DHX29: variants seen among roughly 807,000 people sequenced by gnomAD.
DHX29 encodes the protein ATP-dependent RNA helicase DHX29.
DHX29 carries 79 observed loss-of-function variants against 167.9 expected under a neutral mutation model. The observed-to-expected ratio is 0.47, with a 90% CI of 0.39 to 0.57. The LOEUF (loss-of-function observed/expected upper bound fraction) is 0.57, where lower values mean the gene tolerates loss of function less well. Ranked by LOEUF, DHX29 falls within the 20% of genes least tolerant of loss-of-function variation. The probability of loss-of-function intolerance (pLI) is 0.00; values close to 1 mark genes in which losing one functional copy is unlikely to be tolerated. For missense variants in DHX29, 1,347 were observed against 1,593.4 expected (o/e 0.85, Z 2.63); for synonymous variants, 530 against 546.0 (o/e 0.97, Z 0.41).
intron 9 of DHX29, 70 bp from the exon 10 acceptor site, chr5:55,285,486 A>G (rs1032183445): frequency 6.9e-7 from 1 of 1,446,338 alleles, no homozygotes; most frequent in African/African-American, 1.4e-5. Context: ...TCAGAATTCC[A>G]TTAACATTAA....
intron 24 of DHX29, 33 bp from the exon 25 acceptor site, chr5:55,261,532 A>G: frequency 7.3e-7 from 1 of 1,370,126 alleles, no homozygotes; most frequent in Non-Finnish European, 1.0e-6. Context: ...AATAACTTCA[A>G]AATATAAAAA....
At chr5:55,283,119 T>C (rs1002095969) in intron 11 of DHX29, 84 bp downstream of exon 11, 5 of 1,449,388 alleles carry the variant, frequency 3.4e-6, no homozygotes, top group East Asian at 4.6e-5. Context: ...AACTCACATA[T>C]GGTACACATT....
At chr5:55,272,455 G>T (rs1460748980) in intron 17 of DHX29, among the ~76,000 whole-genome samples, 1 of 152,164 alleles carries the variant, frequency 6.6e-6, no homozygotes, top group Non-Finnish European at 1.5e-5. Flanking sequence ...AAGTAGGGCT[G>T]GGTGCGGTGG....
In DHX29 at chr5:55,283,300, C is replaced by A; in HGVS notation, c.1868G>T (p.Cys623Phe). Residue 623 changes from cysteine to phenylalanine, a missense_variant, in exon 11 of 27, where the codon TGT (cysteine) becomes TTT (phenylalanine). Physicochemically the swap from Cys to Phe is radical, Grantham distance 205 (BLOSUM62 -2). Coordinates refer to ENST00000251636, the MANE Select transcript of DHX29 (RefSeq NM_019030.4). ...LLLNEWEASK[C>F]NIVCTQPRRI... is the part of the protein sequence containing the mutation. ...TCGGGGTTGGGTACAGACAATGTTACATTTACTTGCTTCCCACTCATTTAG... is the reference window on the plus strand; with the variant it reads ...TCGGGGTTGGGTACAGACAATGTTAAATTTACTTGCTTCCCACTCATTTAG... 4 of 1,614,170 alleles carry A rather than the reference C, an allele frequency of 2.5e-6. No individual in the cohort carries two copies. Among genetic ancestry groups the A allele is most frequent in the Non-Finnish European group, 3.4e-6 (4 of 1,179,998 alleles).
In DHX29 at chr5:55,262,894, T is replaced by A. The variant is rs1265738624; in HGVS notation, c.3564A>T (p.Ala1188=). ...KQELIKLVKA[A]GFSSSTTSTS... Reference sequence around the variant, plus strand: ...TAGAAGTTGTGGAAGATGAAAATCCTGCTGCCTTAACCAACTTTATTAACT... The same window carrying A: ...TAGAAGTTGTGGAAGATGAAAATCCAGCTGCCTTAACCAACTTTATTAACT... Residue 1188 remains alanine (A), a synonymous_variant, in exon 24 of 27, where the codon GCA becomes GCT. Coordinates refer to ENST00000251636, the MANE Select transcript of DHX29 (RefSeq NM_019030.4). 6.2e-7 allele frequency: 1 copy of A among 1,613,972 alleles called. No homozygotes were observed. Among genetic ancestry groups the A allele is most frequent in the South Asian group, 1.1e-5 (1 of 91,060 alleles).
rs1406237359 is a variant in DHX29 at position 55,295,519 on chromosome 5, G to A, written c.511C>T (p.Leu171Phe). ...AATTCCTGACTGAATCCTTCAGGAA[G>A]TGCATCTTAAAATAAAAGAAACTAT... Reference protein sequence around the residue: ...WLCLNLSDDALPEGFSQEFEE... With the variant: ...WLCLNLSDDAFPEGFSQEFEE... The change falls in exon 5 of 27, where the codon CTT becomes TTT. Residue 171 changes from leucine to phenylalanine, a missense_variant. Leu to Phe is a conservative substitution (Grantham distance 22). Coordinates refer to ENST00000251636, the MANE Select transcript of DHX29 (RefSeq NM_019030.4). 15 of 1,611,254 alleles carry A rather than the reference G, an allele frequency of 9.3e-6. 1 individual carries two copies. Among genetic ancestry groups the A allele is most frequent in the Non-Finnish European group, 1.0e-5 (12 of 1,179,324 alleles).
intron 12 of DHX29, among the ~76,000 whole-genome samples, chr5:55,280,982 A>G (rs914405253): frequency 1.3e-5 from 2 of 151,798 alleles, no homozygotes; most frequent in Non-Finnish European, 2.9e-5. Context: ...TGACTCCCCA[A>G]ACAGTGCAGT....
intron 8 of DHX29, among the ~76,000 whole-genome samples, chr5:55,288,272 A>G (rs1025395218): frequency 6.6e-6 from 1 of 151,820 alleles, no homozygotes; most frequent in African/African-American, 2.4e-5. Flanking sequence ...CAAAAAAGCT[A>G]TAATGCAAAT....
intron 23 of DHX29, among the ~76,000 whole-genome samples, chr5:55,265,718 A>T (rs1457902786): frequency 2.0e-5 from 3 of 151,672 alleles, no homozygotes; most frequent in Non-Finnish European, 2.9e-5. Flanking sequence ...ATACTTAAAC[A>T]CTGTCTGTAT....
At chr5:55,276,435 GAATTCA>G in intron 13 of DHX29, 29 bp from the exon 14 acceptor site, 2 of 1,535,912 alleles carry the variant, frequency 1.3e-6, no homozygotes, top group Non-Finnish European at 1.8e-6. Flanking sequence ...ATAAATGGGT[GAATTCA>G]AATTCGTTTC....
At position 55,277,207 on chromosome 5, in the gene DHX29, G is replaced by A. The variant is rs754594005; in HGVS notation, c.2185C>T (p.His729Tyr). Residue 729 changes from histidine to tyrosine, a missense_variant, in exon 13 of 27, where the codon CAC (histidine) becomes TAC (tyrosine). His to Tyr is a moderately conservative substitution (Grantham distance 83). Around this residue, in one of 3 missense-constraint regions of DHX29, gnomAD observed 882 missense variants for 1,082.4 expected, o/e 0.81. Coordinates refer to ENST00000251636, the MANE Select transcript of DHX29 (RefSeq NM_019030.4). The part of the protein sequence containing the change: ...KEILQKRSDL[H>Y]LILMSATVDS... Reference sequence around the variant, plus strand: ...ACAGTGGCACTCATTAGAATCAAGTGTAGATCAGAACGTTTCTGTAAAATT... The same window carrying A: ...ACAGTGGCACTCATTAGAATCAAGTATAGATCAGAACGTTTCTGTAAAATT... 44 of 1,611,266 alleles carry A rather than the reference G, an allele frequency of 2.7e-5. No individual in the cohort carries two copies. The South Asian group carries it at 4.5e-4, about 17-fold the overall frequency.
rs538443271 is a variant in DHX29 at position 55,307,524 on chromosome 5, C to T, written c.50G>A (p.Arg17Gln). 5 of 1,613,402 alleles carry T rather than the reference C, an allele frequency of 3.1e-6. No individual in the cohort carries two copies. The highest frequency in any genetic ancestry group is 3.3e-5 in the Admixed American group (2 of 60,002). Residue 17 changes from arginine (R) to glutamine (Q), a missense_variant, in exon 1 of 27, where the codon CGG (arginine) becomes CAG (glutamine). Physicochemically the swap from Arg to Gln is conservative, Grantham distance 43 (BLOSUM62 1). Coordinates refer to ENST00000251636, the MANE Select transcript of DHX29 (RefSeq NM_019030.4). ...KHKAPAAAVV[R>Q]AAVSASRAKS... ...GGCTCTGGAAGCAGACACGGCGGCC[C>T]GGACCACCGCGGCCGCTGGAGCCTT...
At chr5:55,293,499 CTCATT>C (rs144058525) in intron 6 of DHX29, among the ~76,000 whole-genome samples, 217 of 152,172 alleles carry the variant, frequency 1.4e-3, no homozygotes, top group African/African-American at 5.0e-3. Context: ...TATAGTGTAT[CTCATT>C]TAAGTTTTCA....
chr5:55,297,483 C>A, intron 2 of DHX29, 85 bp from the exon 3 acceptor site: 3 of 647,688 alleles, frequency 4.6e-6, no homozygotes, highest in Admixed American at 3.2e-5. Context: ...TATATTCCTG[C>A]CAACCAAGCC....
intron 23 of DHX29, among the ~76,000 whole-genome samples, chr5:55,263,999 T>C (rs1746433549): frequency 6.6e-6 from 1 of 151,682 alleles, no homozygotes; most frequent in Non-Finnish European, 1.5e-5. Context: ...CTGAATACTT[T>C]TATAGCATAT....
At chr5:55,263,433 A>G (rs1746403860) in intron 23 of DHX29, among the ~76,000 whole-genome samples, 1 of 152,158 alleles carries the variant, frequency 6.6e-6, no homozygotes, top group Non-Finnish European at 1.5e-5. Context: ...ATGTTTTTCT[A>G]TGTTTAATAT....
chr5:55,294,607 G>A lies in DHX29; in HGVS notation c.652-462C>T, dbSNP rs537285083. On this transcript the variant is annotated intron_variant, in intron 5 of 26. Transcript: ENST00000251636. ...GGAGAATGGCGTGAAGCCAGGAGGC[G>A]GAGCTTGCAGTGAGCCGAGTGAGTG... 1.2e-4 allele frequency among the ~76,000 whole-genome samples: 18 copies of A among 152,280 alleles called. No homozygotes were observed. The South Asian group carries it at 1.9e-3, about 16-fold the overall frequency.
chr5:55,289,181 G>C, intron 8 of DHX29, 89 bp downstream of exon 8: 1 of 1,362,398 alleles, frequency 7.3e-7, no homozygotes, highest in African/African-American at 1.5e-5. Flanking sequence ...TACTTTGCCA[G>C]AATGCAAAGT....
chr5:55,306,604 G>A (rs1748875012), intron 1 of DHX29, among the ~76,000 whole-genome samples: 1 of 152,018 alleles, frequency 6.6e-6, no homozygotes, highest in Non-Finnish European at 1.5e-5. Context: ...GTCTCTTTTT[G>A]CTCATCACAT....
Sources: allele counts gnomAD v4.1 joint callset (sites outside exome capture counted in the v4.1 genomes callset), GRCh38; gene constraint gnomAD v4.1.1; regional missense constraint gnomAD v4.1.1; transcripts MANE v1.5; gene names NCBI Gene and HGNC (gene_info 2026-07-23, HGNC 2026-07-21).